The following EP400 variants were observed in gnomAD, a reference collection of about 807,000 sequenced individuals.
EP400 encodes the protein E1A binding protein p400, also known as E1A-binding protein p400.
Under a neutral mutation model 354.1 loss-of-function variants are expected in EP400, and 105 were observed. The ratio of observed to expected loss-of-function variants is 0.30; its 90% confidence interval spans 0.25 to 0.35. The LOEUF (loss-of-function observed/expected upper bound fraction) is 0.35. Ranked by LOEUF, EP400 falls within the 10% of genes least tolerant of loss-of-function variation. The probability of loss-of-function intolerance (pLI) is 1.00; values close to 1 mark genes in which losing one functional copy is unlikely to be tolerated. For missense variants in EP400, 3,280 were observed against 4,121.0 expected (o/e 0.80, Z 5.59); for synonymous variants, 1,646 against 1,716.9 (o/e 0.96, Z 1.02).
chr12:132,011,368 C>T, intron 15 of EP400, 130 bp from the exon 16 acceptor site: 2 of 1,139,048 alleles, frequency 1.8e-6, no homozygotes, highest in South Asian at 3.3e-5. Flanking sequence ...CCCCCCAAGT[C>T]TGCCTCAGTC....
chr12:132,069,343 G>A (rs1270713101), intron 50 of EP400, 152 bp from the exon 51 acceptor site: 3 of 1,075,914 alleles, frequency 2.8e-6, no homozygotes, highest in Non-Finnish European at 3.9e-6. Flanking sequence ...GGATGGGACA[G>A]GGGGCAGGAG....
At chr12:131,992,910 C>T (rs1219819612) in intron 11 of EP400, among the ~76,000 whole-genome samples, 1 of 152,136 alleles carries the variant, frequency 6.6e-6, no homozygotes, top group African/African-American at 2.4e-5. Flanking sequence ...AGTGTGTTAA[C>T]TTTTCCAAAT....
At chr12:131,986,875 A>G (rs1892871754) in intron 6 of EP400, 68 bp downstream of exon 6, 5 of 1,516,632 alleles carry the variant, frequency 3.3e-6, no homozygotes, top group African/African-American at 1.4e-5. Flanking sequence ...TTAATTGTCA[A>G]GAATGTGATG....
intron 30 of EP400, among the ~76,000 whole-genome samples, chr12:132,037,187 C>T (rs1388621425): frequency 6.6e-6 from 1 of 152,172 alleles, no homozygotes; most frequent in African/African-American, 2.4e-5. Context: ...ACATCTGCAG[C>T]TCACGGTCGT....
Position 132,050,964 on chromosome 12 carries a change from A to G in EP400, c.7394+309A>G. 4.0e-6 allele frequency: 2 copies of G among 495,852 alleles called. No homozygotes were observed. 30.7% of individuals were successfully genotyped at this position (495,852 alleles called of 1,614,324 possible). A position where few individuals can be genotyped will look rare whatever the true frequency, so the allele number is the denominator to read the frequency against. On this transcript the variant is annotated intron_variant, in intron 41 of 52. Transcript: ENST00000389561. The surrounding 1 kb of genome is among the most constrained non-coding windows in gnomAD (Gnocchi z 4.8). ...CCAACCACAAGGGGCTTTCTTCCTC[A>G]CACCCCACCTCTCAGGCACTGATTT...
intron 19 of EP400, among the ~76,000 whole-genome samples, chr12:132,016,692 G>A (rs765671201): frequency 6.6e-6 from 1 of 152,218 alleles, no homozygotes; most frequent in Middle Eastern, 3.4e-3. Context: ...TCTGTGGTGC[G>A]TACTGCTGTC....
chr12:132,063,322 G>T (rs769271706), intron 47 of EP400, among the ~76,000 whole-genome samples: 9 of 152,198 alleles, frequency 5.9e-5, no homozygotes, highest in Non-Finnish European at 1.2e-4. Flanking sequence ...AGACCAGCCT[G>T]GTCAACATGG....
chr12:132,020,588 G>C (rs1452718901), intron 22 of EP400, among the ~76,000 whole-genome samples: 7 of 152,182 alleles, frequency 4.6e-5, no homozygotes, highest in Admixed American at 4.6e-4. Flanking sequence ...ATTCTTTTGA[G>C]GAAGGGTAGA....
At position 131,990,274 on chromosome 12, in the gene EP400, C is replaced by T. The variant is rs974875477; in HGVS notation, c.2550+170C>T. On this transcript the variant is annotated intron_variant, in intron 8 of 52. Transcript: ENST00000389561. The surrounding 1 kb of genome is among the most constrained non-coding windows in gnomAD (Gnocchi z 4.2). ...CTTGTTGGCCTTTGAATGAGCTGCT[C>T]GTGCCTCCGTCTGTCTTGCACAGGG... 7.9e-5 allele frequency among the ~76,000 whole-genome samples: 12 copies of T among 152,118 alleles called. No individual in the cohort carries two copies. Among genetic ancestry groups the T allele is most frequent in the African/African-American group, 2.7e-4 (11 of 41,414 alleles).
chr12:132,064,048 C>T (rs554727797), intron 47 of EP400, among the ~76,000 whole-genome samples: 1 of 143,988 alleles, frequency 6.9e-6, no homozygotes, highest in Admixed American at 7.1e-5. Flanking sequence ...CACAGCCACA[C>T]AGGTGCCTTG....
In EP400 at chr12:132,045,915, GT is replaced by G; in HGVS notation, c.7200+18del. On this transcript the variant is annotated intron_variant, in intron 39 of 52. Transcript: ENST00000389561. ...AGGAGGGGAAGGTAAGCACGGTCTC[GT>G]TTGTCCTTCGAGGAGAGCACAGGCA... 6.2e-7 allele frequency: 1 copy of G among 1,613,650 alleles called. No individual in the cohort carries two copies. Among genetic ancestry groups the G allele is most frequent in the Non-Finnish European group, 8.5e-7 (1 of 1,179,722 alleles).
intron 43 of EP400, 84 bp downstream of exon 43, chr12:132,053,681 G>A (rs1565930274): frequency 3.6e-6 from 5 of 1,385,364 alleles, no homozygotes; most frequent in African/African-American, 1.5e-5. Flanking sequence ...CTGTTGAAAC[G>A]AAGACTTGTT....
chr12:132,023,707 CTG>C (rs1269863059), intron 23 of EP400, 68 bp from the exon 24 acceptor site: 67 of 1,511,862 alleles, frequency 4.4e-5, no homozygotes, highest in Non-Finnish European at 5.9e-5. Context: ...CAAGAAACGA[CTG>C]TCAATATGAC....
intron 1 of EP400, among the ~76,000 whole-genome samples, chr12:131,959,583 C>T (rs1028908520): frequency 6.6e-6 from 1 of 152,178 alleles, no homozygotes; most frequent in East Asian, 1.9e-4. Flanking sequence ...TGCTCAGCAG[C>T]GTTTGGGTTA....
At chr12:131,999,798 A>T (rs1004313641) in intron 12 of EP400, among the ~76,000 whole-genome samples, 1 of 152,118 alleles carries the variant, frequency 6.6e-6, no homozygotes, top group African/African-American at 2.4e-5. Flanking sequence ...TATGATAGTC[A>T]AATTTTCTAG....
In EP400 at chr12:132,077,657, A is replaced by C; in HGVS notation, c.9356A>C (p.Lys3119Thr). 6.2e-7 allele frequency: 1 copy of C among 1,610,684 alleles called. No homozygotes were observed. ...VPAVRLKTPTKPPCQ is the reference protein window; with the variant it reads ...VPAVRLKTPTTPPCQ ...GCTGTCAGGCTAAAGACACCTACTA[A>C]GCCTCCGTGCCAGTAGTCAGGGCAG... Residue 3119 changes from lysine to threonine, a missense_variant, in exon 53 of 53, where the codon AAG becomes ACG. Coordinates refer to ENST00000389561, the MANE Select transcript of EP400 (RefSeq NM_015409.5).
chr12:132,066,535 C>T, intron 48 of EP400: 1 of 507,734 alleles, frequency 2.0e-6, no homozygotes, highest in Non-Finnish European at 3.4e-6. Flanking sequence ...CATCTGAACG[C>T]AGCAGCATGT....
intron 12 of EP400, among the ~76,000 whole-genome samples, chr12:131,997,939 G>T (rs73162977): frequency 0.012 from 1,829 of 152,304 alleles, 21 homozygotes; most frequent in Middle Eastern, 0.068. Context: ...TGTTCACAAA[G>T]ATATATCATC....
chr12:131,962,398 A>G (rs1186299421), intron 2 of EP400, among the ~76,000 whole-genome samples: 1 of 152,186 alleles, frequency 6.6e-6, no homozygotes, highest in Non-Finnish European at 1.5e-5. Flanking sequence ...ACTCGTATAG[A>G]TCTCCTTAAA....
Sources: allele counts gnomAD v4.1 joint callset (sites outside exome capture counted in the v4.1 genomes callset), GRCh38; gene constraint gnomAD v4.1.1; non-coding constraint Gnocchi (gnomAD v3.1); transcripts MANE v1.5; gene names NCBI Gene and HGNC (gene_info 2026-07-23, HGNC 2026-07-21).